CAMK4: variants seen among roughly 807,000 people sequenced by gnomAD.
CAMK4 encodes the protein calcium/calmodulin dependent protein kinase IV.
A neutral mutation model predicts 44.9 loss-of-function variants in CAMK4; 22 were observed. The observed-to-expected ratio is 0.49, with a 90% CI of 0.35 to 0.70. CAMK4 has a LOEUF of 0.70. Ranked by LOEUF, CAMK4 falls within the 30% of genes least tolerant of loss-of-function variation. The probability of loss-of-function intolerance (pLI) is 0.01; values close to 1 mark genes in which losing one functional copy is unlikely to be tolerated. For synonymous variants in CAMK4, 218 were observed against 215.4 expected, an observed-to-expected ratio of 1.01 and a Z score of -0.11; for missense variants, 498 against 586.8, an observed-to-expected ratio of 0.85 and a Z score of 1.56.
At chr5:111,254,424 A>G (rs938018435) in intron 1 of CAMK4, among the ~76,000 whole-genome samples, 2 of 152,172 alleles carry the variant, frequency 1.3e-5, no homozygotes, top group African/African-American at 2.4e-5. Flanking sequence ...CTGGAGGTGG[A>G]GAGGGTTGAC....
intron 5 of CAMK4, among the ~76,000 whole-genome samples, chr5:111,395,230 A>T (rs12514983): frequency 9.4e-6 from 1 of 106,436 alleles, no homozygotes; most frequent in African/African-American, 3.6e-5. Context: ...AAAAAAAAGA[A>T]AAAAAAAAAG....
rs201346088 is a variant in CAMK4, at chr5:111,380,281, T to A, written c.386+3339T>A. Among the ~76,000 whole-genome samples the A allele has an allele frequency of 1.1e-4, 17 of 152,234 alleles. No homozygotes were observed. In the East Asian group the frequency reaches 3.1e-3, roughly 28 times the overall value. On this transcript the variant is annotated intron_variant, in intron 4 of 10. Transcript: ENST00000282356. ...TATCTAAGTATAGTTTTGAATTTTG[T>A]AAACATTGTCATGGGTTTTTTTTCT...
At chr5:111,337,761 T>C (rs183958526) in intron 1 of CAMK4, among the ~76,000 whole-genome samples, 1 of 151,238 alleles carries the variant, frequency 6.6e-6, no homozygotes, top group Admixed American at 6.6e-5. Flanking sequence ...TAAGCTCTGA[T>C]CGGTGAGTGA....
rs370357101 is a variant in CAMK4, at chr5:111,224,545, C to T, written c.62C>T (p.Ala21Val). The T allele has an allele frequency of 1.6e-5, 26 of 1,610,900 alleles. No homozygotes were observed. The highest frequency in any genetic ancestry group is 4.0e-5 in the African/African-American group (3 of 74,732). ...ASSCSSVTAS[A>V]APGTASLVPD... Reference sequence around the variant, plus strand: ...TCCTGCTCTTCGGTCACCGCCAGTGCGGCCCCGGGGACCGCGAGCCTCGTC... The same window carrying T: ...TCCTGCTCTTCGGTCACCGCCAGTGTGGCCCCGGGGACCGCGAGCCTCGTC... The change falls in exon 1 of 11, where the codon GCG (alanine) becomes GTG (valine). Residue 21 changes from alanine (A) to valine (V), a missense_variant. Coordinates refer to ENST00000282356, the MANE Select transcript of CAMK4 (RefSeq NM_001744.6). The surrounding 1 kb of genome is among the most constrained non-coding windows in gnomAD (Gnocchi z 5.7).
chr5:111,233,749 G>C (rs998889525), intron 1 of CAMK4, among the ~76,000 whole-genome samples: 2 of 152,146 alleles, frequency 1.3e-5, no homozygotes, highest in Admixed American at 1.3e-4. Flanking sequence ...ATGCTATGCA[G>C]ATGTCTCAGG....
chr5:111,394,234 G>T (rs1389715875), intron 4 of CAMK4, among the ~76,000 whole-genome samples: 1 of 152,014 alleles, frequency 6.6e-6, no homozygotes, highest in Non-Finnish European at 1.5e-5. Flanking sequence ...GATTTTTAGA[G>T]GGTCCTTTAT....
chr5:111,356,817 T>TA (rs1189488405), intron 2 of CAMK4, among the ~76,000 whole-genome samples: 2 of 152,178 alleles, frequency 1.3e-5, no homozygotes, highest in Non-Finnish European at 2.9e-5. Flanking sequence ...TAGTTGTAGA[T>TA]ATGCGGCGTT....
intron 1 of CAMK4, among the ~76,000 whole-genome samples, chr5:111,227,938 C>T (rs1405465503): frequency 6.6e-6 from 1 of 152,114 alleles, no homozygotes; most frequent in African/African-American, 2.4e-5. Context: ...GGTCTTTTGC[C>T]CAGTGATTTG....
intron 1 of CAMK4, among the ~76,000 whole-genome samples, chr5:111,314,769 ACAAT>A (rs991808405): frequency 2.9e-4 from 44 of 152,232 alleles, no homozygotes; most frequent in Middle Eastern, 3.4e-3. Context: ...CTTTATAATG[ACAAT>A]CAATTACAAA....
At chr5:111,336,154 G>T (rs1749393021) in intron 1 of CAMK4, among the ~76,000 whole-genome samples, 1 of 151,162 alleles carries the variant, frequency 6.6e-6, no homozygotes. Context: ...TTTTGCTGAA[G>T]AATATGTTAT....
intron 1 of CAMK4, among the ~76,000 whole-genome samples, chr5:111,270,603 C>G (rs1243210059): frequency 6.6e-6 from 1 of 152,154 alleles, no homozygotes; most frequent in African/African-American, 2.4e-5. Context: ...TTTTTCTTAC[C>G]TATCAGCTTA....
chr5:111,272,119 T>TTGTGTG (rs760290469), intron 1 of CAMK4, among the ~76,000 whole-genome samples: 2 of 148,572 alleles, frequency 1.3e-5, no homozygotes, highest in Admixed American at 1.3e-4. Context: ...GTGTGTGTGT[T>TTGTGTG]TGTGTGTGTG....
At chr5:111,281,900 T>C (rs1193546334) in intron 1 of CAMK4, among the ~76,000 whole-genome samples, 1 of 151,418 alleles carries the variant, frequency 6.6e-6, no homozygotes, top group Non-Finnish European at 1.5e-5. Context: ...CTACTAAAAA[T>C]ACAAAAAATT....
At chr5:111,337,763 G>C (rs773046821) in intron 1 of CAMK4, among the ~76,000 whole-genome samples, 1 of 151,046 alleles carries the variant, frequency 6.6e-6, no homozygotes, top group Non-Finnish European at 1.5e-5. Context: ...AGCTCTGATC[G>C]GTGAGTGACA....
chr5:111,312,770 A>C (rs1297061707), intron 1 of CAMK4, among the ~76,000 whole-genome samples: 2 of 151,890 alleles, frequency 1.3e-5, no homozygotes, highest in African/African-American at 4.8e-5. Context: ...CTGGAGGCCA[A>C]CTCCCCGTTG....
intron 8 of CAMK4, among the ~76,000 whole-genome samples, chr5:111,477,343 A>T (rs31623): frequency 0.11 from 16,558 of 152,198 alleles, 1,137 homozygotes; most frequent in Non-Finnish European, 0.14. Context: ...CTAAAAACTC[A>T]CTGTATTAGG....
chr5:111,257,477 AT>A (rs1485824414), intron 1 of CAMK4, among the ~76,000 whole-genome samples: 2 of 152,218 alleles, frequency 1.3e-5, no homozygotes, highest in African/African-American at 4.8e-5. Context: ...AATGACAGTT[AT>A]TAAAAAGTCA....
intron 1 of CAMK4, among the ~76,000 whole-genome samples, chr5:111,229,420 C>A (rs1748356496): frequency 6.6e-6 from 1 of 152,188 alleles, no homozygotes; most frequent in South Asian, 2.1e-4. Context: ...TAACCTCATA[C>A]TAAACATAAT....
chr5:111,335,424 A>G (rs1346715631), intron 1 of CAMK4, among the ~76,000 whole-genome samples: 1 of 151,400 alleles, frequency 6.6e-6, no homozygotes, highest in East Asian at 1.9e-4. Flanking sequence ...TAGTGGGTGA[A>G]TAGTTATGTC....
Sources: gnomAD v4.1 joint callset for allele counts (sites outside exome capture counted in the v4.1 genomes callset) on GRCh38, gnomAD v4.1.1 for gene constraint, Gnocchi (gnomAD v3.1) non-coding constraint, MANE v1.5 for transcripts, NCBI Gene and HGNC (gene_info 2026-07-23, HGNC 2026-07-21) for gene names.